Variants in RB1 observed in about 807,000 individuals in gnomAD.
RB1 encodes RB transcriptional corepressor 1.
Under a neutral mutation model 135.4 loss-of-function variants are expected in RB1, and 18 were observed. The observed-to-expected ratio is 0.13, with a 90% CI of 0.09 to 0.20. The LOEUF (loss-of-function observed/expected upper bound fraction) is 0.20, where lower values mean the gene tolerates loss of function less well. Ranked by LOEUF, RB1 falls within the 10% of genes least tolerant of loss-of-function variation. The probability of loss-of-function intolerance (pLI) is 1.00; values close to 1 mark genes in which losing one functional copy is unlikely to be tolerated. For synonymous variants in RB1, 365 were observed against 373.2 expected (o/e 0.98, Z 0.25); for missense variants, 868 against 1,110.0 (o/e 0.78, Z 3.10).
At chr13:48,407,624 A>G (rs1005110117) in intron 17 of RB1, among the ~76,000 whole-genome samples, 2 of 152,224 alleles carry the variant, frequency 1.3e-5, no homozygotes, top group Non-Finnish European at 2.9e-5. Context: ...TTGATCATTA[A>G]GTACTCTGGT....
chr13:48,361,524 T>G (rs1297521080), intron 7 of RB1, among the ~76,000 whole-genome samples: 12 of 152,184 alleles, frequency 7.9e-5, no homozygotes, highest in Admixed American at 5.2e-4. Flanking sequence ...CATCTCAGTA[T>G]ATATCTCTAA....
intron 11 of RB1, among the ~76,000 whole-genome samples, chr13:48,369,797 G>A (rs1593449677): frequency 6.6e-6 from 1 of 152,082 alleles, no homozygotes; most frequent in African/African-American, 2.4e-5. Flanking sequence ...TCTCTCTGAA[G>A]TATTTTATTA....
chr13:48,382,060 C>T (rs1372503648), intron 17 of RB1, among the ~76,000 whole-genome samples: 2 of 152,060 alleles, frequency 1.3e-5, no homozygotes, highest in Admixed American at 6.6e-5. Flanking sequence ...ATATATGTGC[C>T]ACATATTCCA....
intron 2 of RB1, among the ~76,000 whole-genome samples, chr13:48,325,118 C>T (rs970294421): frequency 3.9e-5 from 6 of 151,962 alleles, no homozygotes; most frequent in Admixed American, 6.6e-5. Context: ...TGTCCTAATC[C>T]GCTTCCTCTC....
intron 17 of RB1, among the ~76,000 whole-genome samples, chr13:48,439,106 T>G (rs1256335356): frequency 1.3e-5 from 2 of 152,156 alleles, no homozygotes; most frequent in African/African-American, 2.4e-5. Flanking sequence ...ACTCCCATAC[T>G]AGTATAGCAG....
At chr13:48,415,254 T>G (rs1299057060) in intron 17 of RB1, among the ~76,000 whole-genome samples, 1 of 152,038 alleles carries the variant, frequency 6.6e-6, no homozygotes, top group Non-Finnish European at 1.5e-5. Context: ...AAGTCATTCA[T>G]CTATAGTTTT....
rs199735425 is a variant in RB1 at position 48,379,565 on chromosome 13, C to T, written c.1333-29C>T. On this transcript the variant is annotated intron_variant, in intron 13 of 26. Coordinates refer to ENST00000267163, the MANE Select transcript of RB1 (RefSeq NM_000321.3). The stretch of plus-strand genomic sequence containing the variant: ...AATTGTGATTTTCTAAAATAGCAGG[C>T]TCTTATTTTTCTTTTTGTTTGTTTG... The T allele has an allele frequency of 4.3e-4, 691 of 1,604,308 alleles. 3 individuals are homozygous for T. In the Middle Eastern group the frequency reaches 0.011, roughly 26 times the overall value.
chr13:48,303,984 G>C lies in RB1; in HGVS notation c.72G>C (p.Pro24=), dbSNP rs1333596916. 1.3e-6 allele frequency: 2 copies of C among 1,498,998 alleles called. No homozygotes were observed. The highest frequency in any genetic ancestry group is 1.8e-6 in the Non-Finnish European group (2 of 1,132,122). 92.9% of individuals were successfully genotyped at this position (1,498,998 alleles called of 1,614,324 possible). Residue 24 remains proline, a synonymous_variant, in exon 1 of 27, where the codon CCG becomes CCC. Transcript: ENST00000267163. The part of the protein sequence containing the change: ...AAAAAEPPAP[P]PPPPPEEDPE... ...CCGCCGCGGAACCCCCGGCACCGCC[G>C]CCGCCGCCCCCTCCTGAGGAGGACC...
chr13:48,328,372 T>G (rs1453021807), intron 2 of RB1: 1 of 1,540,710 alleles, frequency 6.5e-7, no homozygotes, highest in East Asian at 2.2e-5. Flanking sequence ...GGTGATGCTT[T>G]CTTTGTCGTC....
Position 48,319,417 on chromosome 13 carries a change from C to T in RB1, c.264+12011C>T, listed in dbSNP as rs1952215167. On this transcript the variant is annotated intron_variant, in intron 2 of 26. Transcript: ENST00000267163. This position sits in a 1 kb window ranked among gnomAD's most constrained non-coding sequence, Gnocchi z 5.0. ...TCGTTGCTGCTGGAGTCTGACGCCT[C>T]GGGCGCCTGCGCCGCACTTGTGACT... 5 of 378,102 alleles carry T rather than the reference C, an allele frequency of 1.3e-5. No individual in the cohort carries two copies. The highest frequency in any genetic ancestry group is 2.5e-5 in the Non-Finnish European group (5 of 201,524). The allele number at this position is 378,102 out of a possible 1,614,324, so 23.4% of individuals were successfully genotyped here.
chr13:48,370,092 A>C (rs1360080408), intron 11 of RB1, among the ~76,000 whole-genome samples: 1 of 152,218 alleles, frequency 6.6e-6, no homozygotes. Context: ...GAGATGACAC[A>C]GAAGGGACTA....
intron 20 of RB1, among the ~76,000 whole-genome samples, chr13:48,462,042 A>G (rs1283699074): frequency 2.0e-5 from 3 of 152,110 alleles, no homozygotes; most frequent in East Asian, 3.8e-4. Context: ...TATGTTGGTC[A>G]GGCTGGTCTC....
chr13:48,435,515 A>T (rs1325137410), intron 17 of RB1, among the ~76,000 whole-genome samples: 1 of 152,042 alleles, frequency 6.6e-6, no homozygotes, highest in Non-Finnish European at 1.5e-5. Context: ...CTTGGCCTGT[A>T]GCTTCTTTCT....
Position 48,422,452 on chromosome 13 carries a change from C to T in RB1, c.1696-30541C>T, listed in dbSNP as rs564094684. ...ATGGGTGCAGCAAACCACCATGGCA[C>T]GTGTATACCTATGTAACAAACCTGC... On this transcript the variant is annotated intron_variant, in intron 17 of 26. Coordinates refer to ENST00000267163, the MANE Select transcript of RB1 (RefSeq NM_000321.3). 2.0e-5 allele frequency among the ~76,000 whole-genome samples: 3 copies of T among 152,240 alleles called. No individual in the cohort carries two copies. In the South Asian group the frequency reaches 6.2e-4, roughly 32 times the overall value.
intron 2 of RB1, chr13:48,317,049 C>T: frequency 2.9e-6 from 2 of 698,806 alleles, no homozygotes; most frequent in Non-Finnish European, 4.3e-6. Flanking sequence ...GGGCAAACTC[C>T]GCCCTGTCTG....
chr13:48,453,909 A>G (rs1949344510), intron 18 of RB1, among the ~76,000 whole-genome samples: 1 of 152,172 alleles, frequency 6.6e-6, no homozygotes, highest in Non-Finnish European at 1.5e-5. Flanking sequence ...ATCTGTATTT[A>G]TTTGTGTGGG....
chr13:48,344,972 T>G, intron 3 of RB1, 108 bp from the exon 4 acceptor site: 2 of 1,324,196 alleles, frequency 1.5e-6, no homozygotes, highest in Non-Finnish European at 2.1e-6. Flanking sequence ...AGTAGTGATT[T>G]GATGTAGAGC....
chr13:48,367,805 T>C lies in RB1; in HGVS notation c.1049+202T>C, dbSNP rs1029158791. Among the ~76,000 whole-genome samples, 8 of 152,212 alleles carry C rather than the reference T, an allele frequency of 5.3e-5. No homozygotes were observed. In the East Asian group the frequency reaches 1.3e-3, roughly 26 times the overall value. On this transcript the variant is annotated intron_variant, in intron 10 of 26. Transcript: ENST00000267163. ...ATATAGATTTAATGTGAATTGTGTG[T>C]CCTATAACAGTTACCTTTTTGCAGT... is the stretch of plus-strand genomic sequence containing the variant.
At chr13:48,347,581 T>C (rs1198813712) in intron 4 of RB1, among the ~76,000 whole-genome samples, 1 of 152,074 alleles carries the variant, frequency 6.6e-6, no homozygotes, top group Non-Finnish European at 1.5e-5. Flanking sequence ...CAGCTGGGTG[T>C]TTTCTATCTT....
Sources: allele counts gnomAD v4.1 joint callset (sites outside exome capture counted in the v4.1 genomes callset), GRCh38; gene constraint gnomAD v4.1.1; non-coding constraint Gnocchi (gnomAD v3.1); transcripts MANE v1.5; gene names NCBI Gene and HGNC (gene_info 2026-07-23, HGNC 2026-07-21).